NUP160: variants seen among roughly 807,000 people sequenced by gnomAD.
The protein encoded by NUP160 is nucleoporin 160, also known as nuclear pore complex protein Nup160.
A neutral mutation model predicts 196.9 loss-of-function variants in NUP160; 94 were observed. The observed-to-expected ratio is 0.48, with a 90% CI of 0.40 to 0.57. The LOEUF (loss-of-function observed/expected upper bound fraction) is 0.57. Ranked by LOEUF, NUP160 falls within the 20% of genes least tolerant of loss-of-function variation. The pLI is 0.00. For missense variants in NUP160, 1,638 were observed against 1,748.3 expected, an observed-to-expected ratio of 0.94 and a Z score of 1.13; for synonymous variants, 605 against 619.7, an observed-to-expected ratio of 0.98 and a Z score of 0.35.
At chr11:47,836,327 A>G (rs921144117) in intron 6 of NUP160, among the ~76,000 whole-genome samples, 1 of 152,208 alleles carries the variant, frequency 6.6e-6, no homozygotes, top group Non-Finnish European at 1.5e-5. Flanking sequence ...AGACTTATAT[A>G]AAATATAAGC....
intron 18 of NUP160, 106 bp from the exon 19 acceptor site, chr11:47,807,246 C>T: frequency 1.4e-6 from 1 of 690,800 alleles, no homozygotes. Flanking sequence ...ATAAATTGCA[C>T]ATAAAAGCTC....
At chr11:47,844,721 G>A (rs1302354379) in intron 2 of NUP160, among the ~76,000 whole-genome samples, 1 of 152,142 alleles carries the variant, frequency 6.6e-6, no homozygotes, top group Admixed American at 6.5e-5. Flanking sequence ...ACTGTCAGAG[G>A]CATGTGAACC....
At chr11:47,798,061 A>T (rs1299439585) in exon 26 of NUP160, 1 of 1,581,018 alleles carries the variant, frequency 6.3e-7, no homozygotes, top group Admixed American at 1.8e-5. Context: ...AACTGCCGTA[A>T]ACAATCTAAT....
exon 2 of NUP160, chr11:47,847,939 C>T: frequency 6.2e-7 from 1 of 1,614,112 alleles, no homozygotes; most frequent in Non-Finnish European, 8.5e-7. Context: ...TTTACGGCGC[C>T]AGCCACGGCA....
Position 47,847,975 on chromosome 11 carries a change from G to T in NUP160, c.203-16C>A. The T allele has an allele frequency of 6.3e-7, 1 of 1,597,344 alleles. No individual in the cohort carries two copies. On this transcript the variant is annotated splice_polypyrimidine_tract_variant and intron_variant, in intron 1 of 35. Transcript: ENST00000378460. Reference sequence around the variant, plus strand: ...TTTGCAGTCCCTGCAAAATGAACGTGGTCAGCCTGCACACGCGTCTTCTGA... The same window carrying T: ...TTTGCAGTCCCTGCAAAATGAACGTTGTCAGCCTGCACACGCGTCTTCTGA...
At chr11:47,808,782 C>T (rs905630205) in intron 17 of NUP160, among the ~76,000 whole-genome samples, 1 of 152,034 alleles carries the variant, frequency 6.6e-6, no homozygotes, top group African/African-American at 2.4e-5. Context: ...AAAAGCTTAA[C>T]TTTCATTAAA....
At chr11:47,815,373 T>A in intron 13 of NUP160, 106 bp downstream of exon 13, 1 of 792,598 alleles carries the variant, frequency 1.3e-6, no homozygotes, top group Non-Finnish European at 1.9e-6. Context: ...TTCACCAGAC[T>A]AACATTCGGC....
chr11:47,815,508 G>C, exon 13 of NUP160: 1 of 1,607,866 alleles, frequency 6.2e-7, no homozygotes, highest in Non-Finnish European at 8.5e-7. Context: ...ATGTTTGTGT[G>C]TGGATTCAAA....
At chr11:47,802,537 G>C (rs1354261755) in intron 22 of NUP160, among the ~76,000 whole-genome samples, 1 of 152,040 alleles carries the variant, frequency 6.6e-6, no homozygotes, top group Non-Finnish European at 1.5e-5. Flanking sequence ...TTGAGTGATA[G>C]GTATATACTG....
At chr11:47,807,683 A>G (rs939476156) in intron 18 of NUP160, among the ~76,000 whole-genome samples, 1 of 152,116 alleles carries the variant, frequency 6.6e-6, no homozygotes, top group Non-Finnish European at 1.5e-5. Flanking sequence ...AAAAAAAAAA[A>G]GTGAATCTTG....
At chr11:47,845,402 A>G (rs1436057692) in intron 2 of NUP160, among the ~76,000 whole-genome samples, 1 of 152,222 alleles carries the variant, frequency 6.6e-6, no homozygotes, top group Non-Finnish European at 1.5e-5. Flanking sequence ...GGCCTCCTAA[A>G]GTACTGGGAT....
intron 27 of NUP160, among the ~76,000 whole-genome samples, chr11:47,793,340 G>A (rs992161900): frequency 6.6e-6 from 1 of 152,080 alleles, no homozygotes; most frequent in Non-Finnish European, 1.5e-5. Context: ...CTAATCAAAT[G>A]TTAAAATTTA....
intron 4 of NUP160, among the ~76,000 whole-genome samples, chr11:47,838,129 A>C (rs1852213446): frequency 6.6e-6 from 1 of 152,204 alleles, no homozygotes; most frequent in South Asian, 2.1e-4. Context: ...AGGCAGGGGC[A>C]CTGCAATTTT....
chr11:47,847,550 A>G (rs1002370424), intron 2 of NUP160, among the ~76,000 whole-genome samples: 3 of 148,732 alleles, frequency 2.0e-5, no homozygotes, highest in Admixed American at 6.9e-5. Flanking sequence ...CTATAAAAAC[A>G]TAACGGGTTC....
At chr11:47,804,178 T>G in intron 21 of NUP160, 1 of 151,506 alleles carries the variant, frequency 6.6e-6, no homozygotes, top group Non-Finnish European at 1.4e-5. Context: ...GAGACTCCGT[T>G]TCAGGAAAAA....
intron 2 of NUP160, among the ~76,000 whole-genome samples, chr11:47,847,139 G>A (rs765059483): frequency 3.8e-4 from 58 of 152,038 alleles, no homozygotes; most frequent in Non-Finnish European, 2.5e-4. Context: ...AAGCCACACA[G>A]ATCTTTGGTC....
chr11:47,790,363 A>AGGCC (rs1158966480), intron 29 of NUP160, among the ~76,000 whole-genome samples: 1 of 151,528 alleles, frequency 6.6e-6, no homozygotes, highest in East Asian at 2.0e-4. Context: ...GAGTTCAAGC[A>AGGCC]ATTCTCCTGC....
chr11:47,826,793 C>T (rs1460111933), intron 7 of NUP160, among the ~76,000 whole-genome samples: 2 of 152,146 alleles, frequency 1.3e-5, no homozygotes, highest in African/African-American at 2.4e-5. Context: ...GAACTCCTGA[C>T]CTCAGGTGAT....
intron 7 of NUP160, among the ~76,000 whole-genome samples, chr11:47,831,842 C>CAAA (rs372159602): frequency 1.5e-5 from 1 of 66,666 alleles, no homozygotes; most frequent in African/African-American, 7.1e-5. Context: ...GACTCTCTCT[C>CAAA]AAAAAAAAAA....
Sources: gnomAD v4.1 joint callset for allele counts (sites outside exome capture counted in the v4.1 genomes callset) on GRCh38, gnomAD v4.1.1 for gene constraint, MANE v1.5 for transcripts, NCBI Gene and HGNC (gene_info 2026-07-23, HGNC 2026-07-21) for gene names.